The following HEMK2 variants were observed in gnomAD, a reference collection of about 807,000 sequenced individuals.
HEMK2 encodes methyltransferase HEMK2.
At chr21:28,730,496 T>C in the HEMK2 span, among the ~76,000 whole-genome samples, 3 of 151,928 alleles carry the variant, frequency 2.0e-5, no homozygotes, top group Non-Finnish European at 2.9e-5. Flanking sequence ...CAGGCTATAA[T>C]CAAGGTGTTG....
the HEMK2 span, among the ~76,000 whole-genome samples, chr21:28,700,625 G>C: frequency 6.6e-6 from 1 of 151,992 alleles, no homozygotes; most frequent in Non-Finnish European, 1.5e-5. Context: ...ACACACCAAT[G>C]ATGAGTTCAG....
chr21:28,668,509 C>T, the HEMK2 span, among the ~76,000 whole-genome samples: 6 of 152,092 alleles, frequency 3.9e-5, no homozygotes, highest in Non-Finnish European at 5.9e-5. Flanking sequence ...AAAAAAGCAA[C>T]GACATAAACA....
the HEMK2 span, among the ~76,000 whole-genome samples, chr21:28,737,288 G>T: frequency 1.3e-5 from 2 of 152,084 alleles, no homozygotes; most frequent in Non-Finnish European, 2.9e-5. Flanking sequence ...CCCCACCGAG[G>T]TAAGTTTTGT....
the HEMK2 span, among the ~76,000 whole-genome samples, chr21:28,880,741 TC>T: frequency 7.0e-6 from 1 of 143,154 alleles, no homozygotes; most frequent in African/African-American, 2.6e-5. Flanking sequence ...AGACTGTGTC[TC>T]AAAAAAAAAA....
chr21:28,773,814 T>C, the HEMK2 span, among the ~76,000 whole-genome samples: 247 of 152,284 alleles, frequency 1.6e-3, 1 homozygote, highest in African/African-American at 5.7e-3. Context: ...TAGTTTGATT[T>C]TGTTTTCTTA....
chr21:28,643,386 A>C, the HEMK2 span, among the ~76,000 whole-genome samples: 5 of 152,132 alleles, frequency 3.3e-5, no homozygotes, highest in Non-Finnish European at 5.9e-5. Flanking sequence ...GAACATAGAG[A>C]AAAGATTATG....
At chr21:28,851,693 C>T in the HEMK2 span, among the ~76,000 whole-genome samples, 1 of 152,206 alleles carries the variant, frequency 6.6e-6, no homozygotes, top group Admixed American at 6.5e-5. Context: ...TTCTCACTCA[C>T]TGGATCCAAT....
At chr21:28,729,795 T>A in the HEMK2 span, among the ~76,000 whole-genome samples, 1 of 152,144 alleles carries the variant, frequency 6.6e-6, no homozygotes, top group East Asian at 1.9e-4. Context: ...CTAATATCTA[T>A]GGAGAGTTTT....
chr21:28,680,030 A>G, the HEMK2 span, among the ~76,000 whole-genome samples: 1 of 152,214 alleles, frequency 6.6e-6, no homozygotes, highest in African/African-American at 2.4e-5. Context: ...AGCTAGCAGA[A>G]GGCAAGAAAT....
the HEMK2 span, among the ~76,000 whole-genome samples, chr21:28,630,556 T>C: frequency 2.6e-5 from 4 of 151,670 alleles, no homozygotes; most frequent in African/African-American, 9.7e-5. Context: ...TAGACTGGAT[T>C]AAGAAAATGT....
the HEMK2 span, among the ~76,000 whole-genome samples, chr21:28,608,229 A>T: frequency 6.6e-6 from 1 of 152,306 alleles, no homozygotes; most frequent in East Asian, 1.9e-4. Flanking sequence ...TGAAAAAGCA[A>T]GGAGACACTT....
At chr21:28,734,681 T>C in the HEMK2 span, among the ~76,000 whole-genome samples, 2 of 152,300 alleles carry the variant, frequency 1.3e-5, no homozygotes, top group South Asian at 2.1e-4. Context: ...AAGTACCTCA[T>C]TGAAATGGGT....
At chr21:28,852,409 C>T in the HEMK2 span, among the ~76,000 whole-genome samples, 6 of 152,230 alleles carry the variant, frequency 3.9e-5, no homozygotes, top group Admixed American at 2.0e-4. Context: ...TCATTAATTA[C>T]CTGACCTCCA....
the HEMK2 span, among the ~76,000 whole-genome samples, chr21:28,756,038 C>A: frequency 2.0e-5 from 3 of 152,180 alleles, no homozygotes; most frequent in Admixed American, 2.0e-4. Context: ...TTCTGATCAT[C>A]GGCACAGTTT....
At chr21:28,637,928 G>A in the HEMK2 span, among the ~76,000 whole-genome samples, 1 of 152,150 alleles carries the variant, frequency 6.6e-6, no homozygotes, top group Non-Finnish European at 1.5e-5. Context: ...GAGAAAAATA[G>A]AATTTATAGA....
At chr21:28,877,298 A>AAGGAAGGAAGGAAGGAAGGG in the HEMK2 span, among the ~76,000 whole-genome samples, 58 of 94,142 alleles carry the variant, frequency 6.2e-4, 2 homozygotes, top group Non-Finnish European at 9.0e-4. Context: ...GGAAGGAAGG[A>AAGGAAGGAAGGAAGGAAGGG]AGAGAGAGAG....
chr21:28,838,878 G>A, the HEMK2 span, among the ~76,000 whole-genome samples: 1 of 143,138 alleles, frequency 7.0e-6, no homozygotes, highest in African/African-American at 2.6e-5. Flanking sequence ...GGCAGAGGTT[G>A]TGGTGAGCCG....
At chr21:28,794,489 A>G in the HEMK2 span, among the ~76,000 whole-genome samples, 11 of 152,354 alleles carry the variant, frequency 7.2e-5, no homozygotes, top group Non-Finnish European at 1.6e-4. Context: ...GTATGCAAAC[A>G]CTAAAAACAA....
chr21:28,859,021 GTAAAT>G, the HEMK2 span, among the ~76,000 whole-genome samples: 2 of 152,140 alleles, frequency 1.3e-5, no homozygotes, highest in Non-Finnish European at 2.9e-5. Flanking sequence ...CCAGCTTTCA[GTAAAT>G]TAATTAAAAA....
Sources: allele counts gnomAD v4.1 joint callset (sites outside exome capture counted in the v4.1 genomes callset), GRCh38; gene constraint gnomAD v4.1.1; transcripts MANE v1.5; gene names NCBI Gene and HGNC (gene_info 2026-07-23, HGNC 2026-07-21).